NTM: variants seen among roughly 807,000 people sequenced by gnomAD.
NTM encodes IgLON family member 2.
NTM carries 13 observed loss-of-function variants against 42.1 expected under a neutral mutation model. That is an observed-to-expected ratio of 0.31 (90% CI 0.20 to 0.49). NTM has a LOEUF of 0.49. Ranked by LOEUF, NTM falls within the 20% of genes least tolerant of loss-of-function variation. The probability of loss-of-function intolerance (pLI) is 0.99; values close to 1 mark genes in which losing one functional copy is unlikely to be tolerated. For missense variants in NTM, 373 were observed against 452.8 expected, an observed-to-expected ratio of 0.82 and a Z score of 1.60; for synonymous variants, 187 against 179.2, an observed-to-expected ratio of 1.04 and a Z score of -0.35.
At chr11:131,657,678 C>G (rs1302870357) in intron 1 of NTM, among the ~76,000 whole-genome samples, 2 of 152,336 alleles carry the variant, frequency 1.3e-5, no homozygotes, top group East Asian at 3.9e-4. Flanking sequence ...TCTCTTATCG[C>G]TGGAATCCCA....
At chr11:131,651,346 A>G (rs1592368001) in intron 1 of NTM, among the ~76,000 whole-genome samples, 2 of 152,364 alleles carry the variant, frequency 1.3e-5, no homozygotes, top group Non-Finnish European at 2.9e-5. Flanking sequence ...CCAACCAGTT[A>G]TTAAAAACAT....
chr11:131,397,572 A>G (rs1944699301), intron 1 of NTM, among the ~76,000 whole-genome samples: 1 of 152,182 alleles, frequency 6.6e-6, no homozygotes. Flanking sequence ...ATGAGGCAAT[A>G]CACCTTGAAT....
intron 1 of NTM, among the ~76,000 whole-genome samples, chr11:131,736,916 C>A (rs1025545623): frequency 1.3e-5 from 2 of 152,212 alleles, no homozygotes; most frequent in South Asian, 2.1e-4. Flanking sequence ...CATACGTTTA[C>A]TTTAAAACAT....
At chr11:132,026,129 T>G (rs2075139301) in intron 2 of NTM, among the ~76,000 whole-genome samples, 1 of 152,204 alleles carries the variant, frequency 6.6e-6, no homozygotes, top group African/African-American at 2.4e-5. Context: ...TGCTAATCAT[T>G]ATGATGAATG....
chr11:132,189,641 T>TACACACACACAC (rs35740557), intron 3 of NTM, among the ~76,000 whole-genome samples: 10 of 149,114 alleles, frequency 6.7e-5, no homozygotes, highest in African/African-American at 2.5e-4. Context: ...TCACGGCAGA[T>TACACACACACAC]ACACACACAC....
chr11:132,247,671 G>A (rs2091374002), intron 4 of NTM, among the ~76,000 whole-genome samples: 1 of 152,042 alleles, frequency 6.6e-6, no homozygotes, highest in South Asian at 2.1e-4. Flanking sequence ...GGCCATGGAG[G>A]GATCCTGGAT....
chr11:131,956,242 G>A (rs539895070), intron 2 of NTM, among the ~76,000 whole-genome samples: 4 of 152,246 alleles, frequency 2.6e-5, no homozygotes, highest in South Asian at 2.1e-4. Context: ...TCACTTCCAC[G>A]TCTGAATGGC....
chr11:131,450,473 C>T (rs1279251734), intron 1 of NTM, among the ~76,000 whole-genome samples: 2 of 152,148 alleles, frequency 1.3e-5, no homozygotes, highest in African/African-American at 4.8e-5. Flanking sequence ...TGAATCCCCA[C>T]TCTGACAGCT....
At chr11:132,194,042 G>C (rs530758213) in intron 3 of NTM, among the ~76,000 whole-genome samples, 40 of 152,136 alleles carry the variant, frequency 2.6e-4, no homozygotes, top group South Asian at 8.3e-4. Flanking sequence ...GATGTACAAA[G>C]AGCTAATACC....
intron 1 of NTM, among the ~76,000 whole-genome samples, chr11:131,696,075 A>G (rs1303813159): frequency 6.6e-6 from 1 of 152,244 alleles, no homozygotes; most frequent in Non-Finnish European, 1.5e-5. Flanking sequence ...TGTGACAGAC[A>G]TGAAAGAACC....
chr11:131,502,972 G>C (rs1164412366), intron 1 of NTM: 1 of 152,282 alleles, frequency 6.6e-6, no homozygotes, highest in East Asian at 1.9e-4. Context: ...ATTCTGTTCA[G>C]GAGACAAGGG....
chr11:132,240,294 C>T (rs1412366537), intron 4 of NTM, among the ~76,000 whole-genome samples: 1 of 152,206 alleles, frequency 6.6e-6, no homozygotes, highest in Admixed American at 6.5e-5. Context: ...ACTCTGTAAG[C>T]AGTTTTCTTT....
intron 2 of NTM, among the ~76,000 whole-genome samples, chr11:132,117,516 A>C (rs954549404): frequency 6.6e-6 from 1 of 152,238 alleles, no homozygotes; most frequent in Non-Finnish European, 1.5e-5. Context: ...ATATTCTTAT[A>C]TATAAAGCAT....
chr11:131,789,683 G>A (rs1195253288), intron 1 of NTM, among the ~76,000 whole-genome samples: 1 of 150,106 alleles, frequency 6.7e-6, no homozygotes, highest in Non-Finnish European at 1.5e-5. Flanking sequence ...TGGGCCGGGG[G>A]CGGTGGCTCT....
rs1387119172 is a variant in NTM at position 132,069,527 on chromosome 11, G to T, written c.168-76755G>T. Among the ~76,000 whole-genome samples, 3 of 146,708 alleles carry T rather than the reference G, an allele frequency of 2.0e-5. No individual in the cohort carries two copies. In the East Asian group the frequency reaches 6.0e-4, roughly 29 times the overall value. On this transcript the variant is annotated intron_variant, in intron 2 of 8. Transcript: ENST00000683400. ...TAACACGTCACACTGACCGTCACAGGTTAGTTAACACGTCACCCAGCCAAG... is the reference window on the plus strand; with the variant it reads ...TAACACGTCACACTGACCGTCACAGTTTAGTTAACACGTCACCCAGCCAAG...
chr11:131,493,941 C>A (rs1955064588), intron 1 of NTM, among the ~76,000 whole-genome samples: 1 of 152,104 alleles, frequency 6.6e-6, no homozygotes, highest in African/African-American at 2.4e-5. Context: ...GCTTTCATGC[C>A]AAATTTATTA....
At chr11:131,936,134 C>T (rs980621289) in intron 2 of NTM, among the ~76,000 whole-genome samples, 6 of 152,164 alleles carry the variant, frequency 3.9e-5, no homozygotes, top group African/African-American at 1.2e-4. Flanking sequence ...TGCAAAATCA[C>T]ATTCAGCATT....
chr11:131,519,501 G>A (rs1032869835), intron 1 of NTM, among the ~76,000 whole-genome samples: 1 of 146,786 alleles, frequency 6.8e-6, no homozygotes, highest in Non-Finnish European at 1.5e-5. Flanking sequence ...CTGCTTGTTA[G>A]GGAGCTGTGG....
At chr11:132,102,575 A>G (rs527303343) in intron 2 of NTM, among the ~76,000 whole-genome samples, 1 of 152,310 alleles carries the variant, frequency 6.6e-6, no homozygotes, top group African/African-American at 2.4e-5. Context: ...GTAGCAAGGT[A>G]TCTTTCTGAC....
Sources: allele counts gnomAD v4.1 joint callset (sites outside exome capture counted in the v4.1 genomes callset), GRCh38; gene constraint gnomAD v4.1.1; transcripts MANE v1.5; gene names NCBI Gene and HGNC (gene_info 2026-07-23, HGNC 2026-07-21).